CMTM4: variants seen among roughly 807,000 people sequenced by gnomAD.
CMTM4 encodes the protein CKLF like MARVEL transmembrane domain containing 4.
A neutral mutation model predicts 19.0 loss-of-function variants in CMTM4; 8 were observed. The observed-to-expected ratio is 0.42, with a 90% confidence interval of 0.25 to 0.76. The LOEUF is 0.76. Ranked by LOEUF, CMTM4 falls within the 30% of genes least tolerant of loss-of-function variation. The probability of loss-of-function intolerance (pLI) is 0.27; values close to 1 mark genes in which losing one functional copy is unlikely to be tolerated. For synonymous variants in CMTM4, 106 were observed against 121.1 expected (o/e 0.88, Z 0.82); for missense variants, 228 against 290.2 (o/e 0.79, Z 1.56).
intron 1 of CMTM4, among the ~76,000 whole-genome samples, chr16:66,657,909 G>A (rs1195460232): frequency 6.6e-6 from 1 of 152,088 alleles, no homozygotes; most frequent in African/African-American, 2.4e-5. Flanking sequence ...GTTAATAAAT[G>A]CAAAAGGAAT....
chr16:66,638,640 C>A (rs565922460), intron 1 of CMTM4, among the ~76,000 whole-genome samples: 10 of 152,148 alleles, frequency 6.6e-5, no homozygotes, highest in Non-Finnish European at 1.0e-4. Flanking sequence ...AGGTGGATCA[C>A]CTGAGGTCAG....
At chr16:66,691,271 G>A (rs2017129796) in intron 1 of CMTM4, among the ~76,000 whole-genome samples, 3 of 151,926 alleles carry the variant, frequency 2.0e-5, no homozygotes, top group African/African-American at 7.2e-5. Context: ...GACCAACCTG[G>A]GCAACACAGT....
chr16:66,642,761 G>A (rs1596924284), intron 1 of CMTM4, among the ~76,000 whole-genome samples: 1 of 152,118 alleles, frequency 6.6e-6, no homozygotes, highest in East Asian at 1.9e-4. Context: ...ATATTAACAG[G>A]TTGTCAGATT....
downstream of CMTM4, among the ~76,000 whole-genome samples, chr16:66,614,350 T>C (rs1260682074): frequency 6.6e-6 from 1 of 152,190 alleles, no homozygotes; most frequent in Admixed American, 6.5e-5. This position sits in a 1 kb window ranked among gnomAD's most constrained non-coding sequence, Gnocchi z 4.9. Context: ...ATCAGGATAG[T>C]GTCTCACGGC....
At chr16:66,670,755 G>A (rs577322479) in intron 1 of CMTM4, among the ~76,000 whole-genome samples, 24 of 152,020 alleles carry the variant, frequency 1.6e-4, no homozygotes, top group African/African-American at 3.4e-4. Flanking sequence ...AGCCAAGATC[G>A]GGCCACTGCG....
chr16:66,622,030 C>A lies in CMTM4; in HGVS notation c.*28G>T, dbSNP rs184135491. On this transcript the variant is annotated 3_prime_UTR_variant, in exon 4 of 4. Transcript: ENST00000394106. The surrounding 1 kb of genome is among the most constrained non-coding windows in gnomAD (Gnocchi z 4.0). ...CTTGACTGAGAGACAGGCACGAGGACGGGAGGGAGGAGGATCCAGGCAGGT... is the reference window on the plus strand; with the variant it reads ...CTTGACTGAGAGACAGGCACGAGGAAGGGAGGGAGGAGGATCCAGGCAGGT... The A allele has an allele frequency of 5.2e-6, 8 of 1,543,610 alleles. No individual in the cohort carries two copies. Among genetic ancestry groups the A allele is most frequent in the Non-Finnish European group, 6.1e-6 (7 of 1,139,258 alleles).
At chr16:66,630,229 A>C (rs2015822452) in intron 2 of CMTM4, among the ~76,000 whole-genome samples, 1 of 151,530 alleles carries the variant, frequency 6.6e-6, no homozygotes, top group Non-Finnish European at 1.5e-5. Context: ...GGATTACAGA[A>C]CAGCTTGGTG....
At chr16:66,623,199 G>A (rs1378681198) in intron 3 of CMTM4, among the ~76,000 whole-genome samples, 6 of 152,226 alleles carry the variant, frequency 3.9e-5, no homozygotes, top group Admixed American at 3.9e-4. Flanking sequence ...GCCTAAGGAT[G>A]TCTAACAGAT....
At chr16:66,677,206 T>C (rs750043310) in intron 1 of CMTM4, among the ~76,000 whole-genome samples, 15 of 152,070 alleles carry the variant, frequency 9.9e-5, no homozygotes, top group Non-Finnish European at 1.3e-4. Flanking sequence ...CATTATACTC[T>C]AGCCTGGGAA....
At chr16:66,665,738 C>T (rs1382482670) in intron 1 of CMTM4, among the ~76,000 whole-genome samples, 1 of 151,562 alleles carries the variant, frequency 6.6e-6, no homozygotes, top group Non-Finnish European at 1.5e-5. Flanking sequence ...ATTATGCTAC[C>T]ACGCTCCAGC....
intron 1 of CMTM4, among the ~76,000 whole-genome samples, chr16:66,673,838 G>A (rs2016756777): frequency 6.6e-6 from 1 of 152,236 alleles, no homozygotes; most frequent in Admixed American, 6.5e-5. Flanking sequence ...CTCAGGTCCT[G>A]AAATAGTCTT....
In CMTM4 at chr16:66,618,264, C is replaced by T. The variant is rs1406235182; in HGVS notation, c.*3794G>A. On this transcript the variant is annotated 3_prime_UTR_variant, in exon 4 of 4. Coordinates refer to ENST00000394106, the MANE Select transcript of CMTM4 (RefSeq NM_181521.3). Reference sequence around the variant, plus strand: ...TAGAAACTTTTTCCCCTTTCTGATACCTGTTTAACGTCATTATTACTCTGT... The same window carrying T: ...TAGAAACTTTTTCCCCTTTCTGATATCTGTTTAACGTCATTATTACTCTGT... The T allele has an allele frequency of 6.1e-6, 6 of 985,334 alleles. No homozygotes were observed. Among genetic ancestry groups the T allele is most frequent in the Non-Finnish European group, 7.2e-6 (6 of 829,948 alleles). 61.0% of individuals were successfully genotyped at this position (985,334 alleles called of 1,614,324 possible).
downstream of CMTM4, chr16:66,610,174 T>G (rs551107993): frequency 2.5e-6 from 2 of 807,122 alleles, no homozygotes; most frequent in Non-Finnish European, 3.9e-6. This position sits in a 1 kb window ranked among gnomAD's most constrained non-coding sequence, Gnocchi z 4.6. Flanking sequence ...CCAAAGCCAG[T>G]CCCATTCGCC....
intron 1 of CMTM4, among the ~76,000 whole-genome samples, chr16:66,650,524 G>A (rs180915758): frequency 1.0e-3 from 156 of 152,206 alleles, no homozygotes; most frequent in African/African-American, 3.5e-3. Flanking sequence ...GGTGGGCCCC[G>A]CAGACATACA....
In CMTM4 at chr16:66,619,542, G is replaced by A; in HGVS notation, c.*2516C>T. On this transcript the variant is annotated 3_prime_UTR_variant, in exon 4 of 4. Transcript: ENST00000394106. ...AAAAACGCTTCCTTCAATTTGCCAA[G>A]AGGTCATTTTAAGGCCCCCAGATAT... 1 of 985,370 alleles carries A rather than the reference G, an allele frequency of 1.0e-6. No homozygotes were observed. The highest frequency in any genetic ancestry group is 4.7e-5 in the South Asian group (1 of 21,286). 61.0% of individuals were successfully genotyped at this position (985,370 alleles called of 1,614,324 possible).
At chr16:66,683,178 T>TATATATATATATATAC in intron 1 of CMTM4, among the ~76,000 whole-genome samples, 1 of 83,640 alleles carries the variant, frequency 1.2e-5, no homozygotes, top group African/African-American at 3.8e-5. Context: ...TATATATACA[T>TATATATATATATATAC]ATGTATATAT....
At chr16:66,640,163 T>C (rs2144818165) in intron 1 of CMTM4, among the ~76,000 whole-genome samples, 1 of 152,138 alleles carries the variant, frequency 6.6e-6, no homozygotes, top group African/African-American at 2.4e-5. Flanking sequence ...TAACTGGGCA[T>C]GGTGGCGCAC....
intron 1 of CMTM4, among the ~76,000 whole-genome samples, chr16:66,650,321 C>T (rs355964): frequency 2.6e-5 from 4 of 152,152 alleles, no homozygotes; most frequent in Admixed American, 1.3e-4. Flanking sequence ...GCCAAAGAAC[C>T]GAACACCTGT....
intron 2 of CMTM4, among the ~76,000 whole-genome samples, chr16:66,625,630 T>C (rs1302089676): frequency 6.6e-6 from 1 of 151,962 alleles, no homozygotes; most frequent in African/African-American, 2.4e-5. Context: ...AAATAATCTT[T>C]CAACATGATC....
Sources: gnomAD v4.1 joint callset for allele counts (sites outside exome capture counted in the v4.1 genomes callset) on GRCh38, gnomAD v4.1.1 for gene constraint, Gnocchi (gnomAD v3.1) non-coding constraint, MANE v1.5 for transcripts, NCBI Gene and HGNC (gene_info 2026-07-23, HGNC 2026-07-21) for gene names.